NUBPL: variants seen among roughly 807,000 people sequenced by gnomAD.
NUBPL encodes the protein NUBP iron-sulfur cluster assembly factor, mitochondrial, also known as iron-sulfur cluster transfer protein NUBPL.
NUBPL carries 31 observed loss-of-function variants against 45.7 expected under a neutral mutation model. The observed-to-expected ratio is 0.68, with a 90% CI of 0.51 to 0.92. The LOEUF is 0.92. NUBPL is among the 40% of genes least tolerant of loss of function. The probability of loss-of-function intolerance (pLI) is 0.00; values close to 1 mark genes in which losing one functional copy is unlikely to be tolerated. For missense variants in NUBPL, 401 were observed against 398.7 expected, an observed-to-expected ratio of 1.01 and a Z score of -0.05; for synonymous variants, 144 against 140.9, an observed-to-expected ratio of 1.02 and a Z score of -0.15.
At chr14:31,751,435 A>G (rs2038526990) in intron 6 of NUBPL, among the ~76,000 whole-genome samples, 1 of 152,266 alleles carries the variant, frequency 6.6e-6, no homozygotes, top group African/African-American at 2.4e-5. Flanking sequence ...AATTGACCAA[A>G]ACAATGGGGC....
At chr14:31,579,494 T>C (rs565106688) in intron 3 of NUBPL, among the ~76,000 whole-genome samples, 4 of 152,302 alleles carry the variant, frequency 2.6e-5, no homozygotes, top group African/African-American at 9.6e-5. Flanking sequence ...TGCAACAGAA[T>C]AACAAATGCT....
intron 4 of NUBPL, among the ~76,000 whole-genome samples, chr14:31,603,436 TTC>T (rs1307248811): frequency 2.6e-5 from 4 of 152,100 alleles, no homozygotes; most frequent in Non-Finnish European, 4.4e-5. Flanking sequence ...ATTGAATAAT[TTC>T]TTTTTGTTCT....
intron 4 of NUBPL, among the ~76,000 whole-genome samples, chr14:31,653,591 G>A (rs552803131): frequency 7.9e-5 from 12 of 152,230 alleles, no homozygotes; most frequent in East Asian, 5.8e-4. Context: ...CCTGAAAATC[G>A]CTGTTATTCT....
At chr14:31,804,114 C>G (rs756457263) in intron 7 of NUBPL, among the ~76,000 whole-genome samples, 2 of 152,012 alleles carry the variant, frequency 1.3e-5, no homozygotes, top group Non-Finnish European at 2.9e-5. Flanking sequence ...TTTGGCTGAA[C>G]ATATATGAAA....
At chr14:31,694,037 A>G (rs894525006) in intron 6 of NUBPL, among the ~76,000 whole-genome samples, 2 of 151,660 alleles carry the variant, frequency 1.3e-5, no homozygotes, top group African/African-American at 4.8e-5. Context: ...TTGTATTTTT[A>G]GTAGAGACAG....
At chr14:31,789,091 C>T (rs1249642426) in intron 7 of NUBPL, among the ~76,000 whole-genome samples, 8 of 152,034 alleles carry the variant, frequency 5.3e-5, no homozygotes, top group Non-Finnish European at 1.0e-4. Flanking sequence ...CCTTGGGAGG[C>T]CGAGGTGGGT....
chr14:31,720,327 C>T (rs1044854464), intron 6 of NUBPL, among the ~76,000 whole-genome samples: 3 of 152,250 alleles, frequency 2.0e-5, no homozygotes, highest in South Asian at 2.1e-4. Flanking sequence ...ATGTATTACT[C>T]ATCTTATGGT....
chr14:31,572,415 C>T (rs1009860653), intron 3 of NUBPL, among the ~76,000 whole-genome samples: 5 of 151,888 alleles, frequency 3.3e-5, no homozygotes, highest in African/African-American at 7.3e-5. Flanking sequence ...CTGGGATTAC[C>T]GGCGTGAGCC....
chr14:31,600,257 C>T (rs1177695492), intron 4 of NUBPL, among the ~76,000 whole-genome samples: 3 of 152,098 alleles, frequency 2.0e-5, no homozygotes, highest in African/African-American at 4.8e-5. Context: ...TGTATCCATT[C>T]ATTCATCTTC....
chr14:31,838,376 A>C (rs2040318332), intron 8 of NUBPL, among the ~76,000 whole-genome samples: 1 of 151,930 alleles, frequency 6.6e-6, no homozygotes, highest in Non-Finnish European at 1.5e-5. Context: ...CAAATGACCC[A>C]AAAGGAGAAT....
intron 4 of NUBPL, among the ~76,000 whole-genome samples, chr14:31,664,553 G>C (rs1056880278): frequency 6.6e-6 from 1 of 152,172 alleles, no homozygotes; most frequent in African/African-American, 2.4e-5. Flanking sequence ...ATTTGTGTAT[G>C]TTGAACCAGC....
chr14:31,729,716 A>C (rs1180698048), intron 6 of NUBPL, among the ~76,000 whole-genome samples: 3 of 151,972 alleles, frequency 2.0e-5, no homozygotes, highest in African/African-American at 7.3e-5. Flanking sequence ...GTGTAAAAGT[A>C]ATTGAAGTTT....
chr14:31,791,195 T>C (rs761833699), intron 7 of NUBPL, among the ~76,000 whole-genome samples: 2 of 152,154 alleles, frequency 1.3e-5, no homozygotes, highest in Non-Finnish European at 2.9e-5. Context: ...GGAAGATCAC[T>C]TGAGCCCTGG....
intron 4 of NUBPL, among the ~76,000 whole-genome samples, chr14:31,631,225 C>A (rs769030149): frequency 2.6e-5 from 4 of 151,964 alleles, no homozygotes; most frequent in African/African-American, 9.7e-5. Context: ...TAGTTTTTTA[C>A]AGGTGTCTGT....
At chr14:31,641,767 T>C (rs1201823122) in intron 4 of NUBPL, among the ~76,000 whole-genome samples, 6 of 152,206 alleles carry the variant, frequency 3.9e-5, no homozygotes, top group Non-Finnish European at 8.8e-5. Context: ...CTAGTTTCCA[T>C]AGTGGCTGTG....
intron 3 of NUBPL, among the ~76,000 whole-genome samples, chr14:31,568,290 CTATG>C: frequency 6.6e-6 from 1 of 152,060 alleles, no homozygotes; most frequent in Middle Eastern, 3.4e-3. Flanking sequence ...TGTGAAGTAA[CTATG>C]TAATAAGGGA....
chr14:31,608,365 C>G (rs929009116), intron 4 of NUBPL, among the ~76,000 whole-genome samples: 14 of 151,992 alleles, frequency 9.2e-5, no homozygotes, highest in African/African-American at 3.4e-4. Context: ...GCCAGCCTGG[C>G]CAGCATGGTG....
At position 31,664,783 on chromosome 14, in the gene NUBPL, G is replaced by C. The variant is rs956712157; in HGVS notation, c.383-8572G>C. Among the ~76,000 whole-genome samples the C allele has an allele frequency of 2.6e-5, 4 of 152,124 alleles. No homozygotes were observed. In the South Asian group the frequency reaches 6.2e-4, roughly 24 times the overall value. On this transcript the variant is annotated intron_variant, in intron 4 of 10. Transcript: ENST00000281081. Reference sequence around the variant, plus strand: ...AATTAGGGAGGAGTCCCTCTTTTCTGTTGTTTGTAATAGTTTCAGAAGGAA... The same window carrying C: ...AATTAGGGAGGAGTCCCTCTTTTCTCTTGTTTGTAATAGTTTCAGAAGGAA...
At chr14:31,622,770 T>C (rs1251644328) in intron 4 of NUBPL, among the ~76,000 whole-genome samples, 1 of 152,230 alleles carries the variant, frequency 6.6e-6, no homozygotes, top group Non-Finnish European at 1.5e-5. Flanking sequence ...TGGAAATGCC[T>C]GGATGTCCAG....
Sources: allele counts gnomAD v4.1 joint callset (sites outside exome capture counted in the v4.1 genomes callset), GRCh38; gene constraint gnomAD v4.1.1; transcripts MANE v1.5; gene names NCBI Gene and HGNC (gene_info 2026-07-23, HGNC 2026-07-21).